The following CNTN3 variants were observed in gnomAD, a reference collection of about 807,000 sequenced individuals.
CNTN3 encodes the protein contactin 3, also known as contactin-3.
A neutral mutation model predicts 119.1 loss-of-function variants in CNTN3; 60 were observed. The ratio of observed to expected loss-of-function variants is 0.50; its 90% CI spans 0.41 to 0.62. The LOEUF (loss-of-function observed/expected upper bound fraction) is 0.62. Ranked by LOEUF, CNTN3 falls within the 20% of genes least tolerant of loss-of-function variation. CNTN3 has a pLI of 0.00. For missense variants in CNTN3, 1,101 were observed against 1,242.4 expected (o/e 0.89, Z 1.71); for synonymous variants, 450 against 438.7 (o/e 1.03, Z -0.32).
At chr3:74,448,781 CCA>C (rs1702093800) in intron 4 of CNTN3, among the ~76,000 whole-genome samples, 1 of 152,062 alleles carries the variant, frequency 6.6e-6, no homozygotes, top group Non-Finnish European at 1.5e-5. Flanking sequence ...CCAGAATGGT[CCA>C]TTTCATAACT....
In CNTN3 at chr3:74,301,554, A is replaced by C; in HGVS notation, c.1946-7T>G. 1 of 1,613,686 alleles carries C rather than the reference A, an allele frequency of 6.2e-7. No homozygotes were observed. ...CCATCGATGACCTCAGGCACTACAA[A>C]GGAATATTTCAGAGGTAAGAGTCTG... is the stretch of plus-strand genomic sequence containing the variant. On this transcript the variant is annotated splice_polypyrimidine_tract_variant and splice_region_variant and intron_variant, in intron 15 of 22. Transcript: ENST00000263665.
Position 74,598,990 on chromosome 3 carries a change from AT to A in CNTN3, c.-81+15400del, listed in dbSNP as rs557084489. ...ATCTAAATATAACTATTTTGAAGCAATATGAAAAGCATCATAAGAAAGGTAG... is the reference window on the plus strand; with the variant it reads ...ATCTAAATATAACTATTTTGAAGCAAATGAAAAGCATCATAAGAAAGGTAG... On this transcript the variant is annotated intron_variant, in intron 1 of 22. Coordinates refer to ENST00000263665, the MANE Select transcript of CNTN3 (RefSeq NM_020872.3). Among the ~76,000 whole-genome samples the A allele has an allele frequency of 1.1e-3, 170 of 152,180 alleles. 1 individual carries two copies. The highest frequency in any genetic ancestry group is 3.9e-3 in the African/African-American group (163 of 41,550).
At chr3:74,310,821 C>A (rs980918583) in intron 13 of CNTN3, among the ~76,000 whole-genome samples, 1 of 152,172 alleles carries the variant, frequency 6.6e-6, no homozygotes, top group Non-Finnish European at 1.5e-5. Flanking sequence ...TATGTTGCTA[C>A]AGCCATCTTT....
chr3:74,397,437 C>T (rs1705083675), intron 5 of CNTN3, among the ~76,000 whole-genome samples: 1 of 151,940 alleles, frequency 6.6e-6, no homozygotes, highest in Non-Finnish European at 1.5e-5. Flanking sequence ...GCTCCACAAA[C>T]TGTGCTCATA....
intron 3 of CNTN3, among the ~76,000 whole-genome samples, chr3:74,491,956 G>A (rs1230861871): frequency 5.3e-5 from 8 of 152,108 alleles, no homozygotes; most frequent in African/African-American, 1.2e-4. Context: ...AGACAACCTC[G>A]TGTCTCTTGG....
chr3:74,326,415 C>T (rs1175421344), intron 13 of CNTN3, among the ~76,000 whole-genome samples: 1 of 151,980 alleles, frequency 6.6e-6, no homozygotes, highest in African/African-American at 2.4e-5. Context: ...ATATAATAAT[C>T]AAAATAGAAT....
chr3:74,484,300 C>T (rs994314803), intron 4 of CNTN3, among the ~76,000 whole-genome samples: 2 of 152,168 alleles, frequency 1.3e-5, no homozygotes, highest in African/African-American at 4.8e-5. Flanking sequence ...GTGGAGGAAA[C>T]CCTGCCTCTA....
chr3:74,553,130 A>G (rs1228325564), intron 1 of CNTN3, among the ~76,000 whole-genome samples: 2 of 100,972 alleles, frequency 2.0e-5, no homozygotes, highest in African/African-American at 7.8e-5. Context: ...GTTCCCCTCC[A>G]TGCATCCACA....
intron 4 of CNTN3, among the ~76,000 whole-genome samples, chr3:74,434,330 G>C (rs918099321): frequency 2.0e-5 from 3 of 152,116 alleles, no homozygotes; most frequent in African/African-American, 7.2e-5. Context: ...CAAGTACAAG[G>C]TTTCATTTTT....
At chr3:74,375,172 AAG>A (rs1387201183) in intron 5 of CNTN3, among the ~76,000 whole-genome samples, 1 of 152,190 alleles carries the variant, frequency 6.6e-6, no homozygotes, top group East Asian at 1.9e-4. Context: ...CCAGAAAATC[AAG>A]AGAGTAAAGA....
intron 20 of CNTN3, among the ~76,000 whole-genome samples, chr3:74,277,151 G>T (rs180907310): frequency 6.6e-6 from 1 of 151,960 alleles, no homozygotes; most frequent in Admixed American, 6.6e-5. Flanking sequence ...AAAAATTACC[G>T]ACTAAAAAAG....
intron 4 of CNTN3, among the ~76,000 whole-genome samples, chr3:74,449,187 G>T (rs1702102165): frequency 6.6e-6 from 1 of 151,800 alleles, no homozygotes; most frequent in South Asian, 2.1e-4. Flanking sequence ...AATTTTTTGT[G>T]GCTTCTTATT....
intron 1 of CNTN3, among the ~76,000 whole-genome samples, chr3:74,610,925 TA>T (rs1705069594): frequency 6.6e-6 from 1 of 152,230 alleles, no homozygotes; most frequent in South Asian, 2.1e-4. Context: ...TAAAACAGTA[TA>T]CTGACAGCCT....
At chr3:74,545,034 T>C (rs965682976) in intron 1 of CNTN3, among the ~76,000 whole-genome samples, 6 of 152,156 alleles carry the variant, frequency 3.9e-5, no homozygotes, top group African/African-American at 9.7e-5. Flanking sequence ...GTTCTAGGGA[T>C]GGTTGTTGGA....
At chr3:74,504,258 G>C (rs538217355) in intron 2 of CNTN3, among the ~76,000 whole-genome samples, 22 of 152,242 alleles carry the variant, frequency 1.4e-4, no homozygotes, top group African/African-American at 5.3e-4. Context: ...TCACAACAGG[G>C]TGTAAGGGTA....
chr3:74,581,870 T>C (rs937848712), intron 1 of CNTN3, among the ~76,000 whole-genome samples: 17 of 152,182 alleles, frequency 1.1e-4, no homozygotes, highest in African/African-American at 4.1e-4. Context: ...TGTTAATAAA[T>C]GTTGCTAGAA....
At chr3:74,345,431 C>A (rs1703666045) in intron 11 of CNTN3, among the ~76,000 whole-genome samples, 1 of 152,126 alleles carries the variant, frequency 6.6e-6, no homozygotes, top group African/African-American at 2.4e-5. Context: ...CTGAGCATAA[C>A]CTTGAAATAA....
At chr3:74,593,797 G>T (rs906425653) in intron 1 of CNTN3, among the ~76,000 whole-genome samples, 1 of 151,960 alleles carries the variant, frequency 6.6e-6, no homozygotes, top group Non-Finnish European at 1.5e-5. Flanking sequence ...CTGCTAAGAG[G>T]AAGCCCACTG....
intron 4 of CNTN3, among the ~76,000 whole-genome samples, chr3:74,431,948 G>T (rs1559598482): frequency 6.6e-6 from 1 of 152,176 alleles, no homozygotes; most frequent in East Asian, 1.9e-4. Context: ...GCTATGAGGT[G>T]AAGTGTTACC....
Sources: allele counts gnomAD v4.1 joint callset (sites outside exome capture counted in the v4.1 genomes callset), GRCh38; gene constraint gnomAD v4.1.1; transcripts MANE v1.5; gene names NCBI Gene and HGNC (gene_info 2026-07-23, HGNC 2026-07-21).